Variants in GNS observed in about 807,000 individuals in gnomAD.
GNS encodes glucosamine (N-acetyl)-6-sulfatase, also known as N-acetylglucosamine-6-sulfatase.
In GNS, 40 loss-of-function variants were observed where a neutral mutation model predicts 69.7. The observed-to-expected ratio is 0.57, with a 90% CI of 0.45 to 0.75. The LOEUF (loss-of-function observed/expected upper bound fraction) is 0.75. Ranked by LOEUF, GNS falls within the 30% of genes least tolerant of loss-of-function variation. The probability of loss-of-function intolerance (pLI) is 0.00; values close to 1 mark genes in which losing one functional copy is unlikely to be tolerated. For synonymous variants in GNS, 243 were observed against 251.6 expected, an observed-to-expected ratio of 0.97 and a Z score of 0.32; for missense variants, 565 against 685.5, an observed-to-expected ratio of 0.82 and a Z score of 1.96.
intron 2 of GNS, 74 bp from the exon 3 acceptor site, chr12:64,747,992 A>G: frequency 2.4e-6 from 2 of 836,552 alleles, no homozygotes; most frequent in Non-Finnish European, 4.2e-6. Context: ...TAAAGAGAGT[A>G]AAGAAAAGCT....
At chr12:64,745,019 A>G (rs999500408) in intron 4 of GNS, 112 bp from the exon 5 acceptor site, 1 of 690,248 alleles carries the variant, frequency 1.4e-6, no homozygotes, top group Non-Finnish European at 2.7e-6. Flanking sequence ...TTAAAAAGAT[A>G]ATTACTCAAG....
chr12:64,725,610 C>T (rs1016518208), intron 10 of GNS, among the ~76,000 whole-genome samples: 12 of 152,158 alleles, frequency 7.9e-5, no homozygotes, highest in African/African-American at 2.9e-4. Context: ...AAAAGAACCA[C>T]ATCTTAGGTG....
At chr12:64,726,578 T>G (rs190761147) in intron 10 of GNS, among the ~76,000 whole-genome samples, 70 of 152,280 alleles carry the variant, frequency 4.6e-4, no homozygotes, top group Admixed American at 1.1e-3. Flanking sequence ...CACTACAACC[T>G]CCACCTGCTT....
chr12:64,731,657 A>G (rs544804772), intron 9 of GNS, among the ~76,000 whole-genome samples: 1 of 152,376 alleles, frequency 6.6e-6, no homozygotes, highest in African/African-American at 2.4e-5. Flanking sequence ...AGAGTTAAAA[A>G]GAATTATACC....
At chr12:64,758,389 C>T (rs777531426) in intron 1 of GNS, among the ~76,000 whole-genome samples, 2 of 140,178 alleles carry the variant, frequency 1.4e-5, no homozygotes, top group Non-Finnish European at 1.5e-5. Flanking sequence ...GTGGCGCGAT[C>T]TCGGCTCACT....
intron 9 of GNS, among the ~76,000 whole-genome samples, chr12:64,732,158 T>G (rs1171217842): frequency 1.0e-5 from 1 of 97,782 alleles, no homozygotes; most frequent in Non-Finnish European, 2.0e-5. Flanking sequence ...GGCTAATTTT[T>G]TTTTTTTGTT....
At chr12:64,743,647 T>G (rs1869815020) in intron 5 of GNS, among the ~76,000 whole-genome samples, 1 of 152,216 alleles carries the variant, frequency 6.6e-6, no homozygotes, top group Non-Finnish European at 1.5e-5. Context: ...GGTATCTACA[T>G]GTGATGCCTT....
At chr12:64,757,097 T>C (rs1270130331) in intron 1 of GNS, among the ~76,000 whole-genome samples, 1 of 152,170 alleles carries the variant, frequency 6.6e-6, no homozygotes, top group Non-Finnish European at 1.5e-5. Context: ...GAGGACTGCT[T>C]GAGACTAGGA....
At chr12:64,756,871 C>T in intron 1 of GNS, 1 of 622,038 alleles carries the variant, frequency 1.6e-6, no homozygotes, top group South Asian at 1.9e-5. Flanking sequence ...AAAAAAGAAT[C>T]TGGGCCGAGA....
At chr12:64,752,276 A>G (rs1870105085) in intron 2 of GNS, among the ~76,000 whole-genome samples, 1 of 152,214 alleles carries the variant, frequency 6.6e-6, no homozygotes, top group Admixed American at 6.5e-5. Flanking sequence ...TTGGTTATGT[A>G]CATGGTTCTT....
At chr12:64,742,448 A>C (rs1869776066) in intron 6 of GNS, among the ~76,000 whole-genome samples, 1 of 152,258 alleles carries the variant, frequency 6.6e-6, no homozygotes, top group Non-Finnish European at 1.5e-5. Context: ...TCCATGAGGG[A>C]TCAAGAACTC....
intron 6 of GNS, among the ~76,000 whole-genome samples, chr12:64,742,155 G>C (rs964833416): frequency 6.6e-6 from 1 of 152,108 alleles, no homozygotes; most frequent in Non-Finnish European, 1.5e-5. Flanking sequence ...CGAGTAGCTG[G>C]GAGTACAGGT....
At chr12:64,758,309 C>CTTTTTTTT (rs139394351) in intron 1 of GNS, among the ~76,000 whole-genome samples, 5 of 67,410 alleles carry the variant, frequency 7.4e-5, no homozygotes, top group South Asian at 8.6e-4. Context: ...CACTTCAGGC[C>CTTTTTTTT]TTTTTTTTTT....
chr12:64,738,705 C>T (rs538196880), intron 8 of GNS, among the ~76,000 whole-genome samples: 2 of 151,814 alleles, frequency 1.3e-5, no homozygotes, highest in South Asian at 2.1e-4. Flanking sequence ...CCCAGCTACT[C>T]GAGAGGTTGA....
chr12:64,717,315 G>T (rs1592489744), intron 13 of GNS, among the ~76,000 whole-genome samples: 1 of 152,152 alleles, frequency 6.6e-6, no homozygotes, highest in East Asian at 1.9e-4. Context: ...AGACTGCTAA[G>T]ACCTACAAGA....
At position 64,748,064 on chromosome 12, in the gene GNS, A is replaced by G. The variant is rs900563486; in HGVS notation, c.253-146T>C. The G allele has an allele frequency of 8.1e-5, 54 of 668,068 alleles. No individual in the cohort carries two copies. The African/African-American group carries it at 9.4e-4, about 12-fold the overall frequency. 41.4% of individuals were successfully genotyped at this position (668,068 alleles called of 1,614,324 possible). On this transcript the variant is annotated intron_variant, in intron 2 of 13. Coordinates refer to ENST00000258145, the MANE Select transcript of GNS (RefSeq NM_002076.4). Reference sequence around the variant, plus strand: ...GGAATATATATATTTTTTTCTACACATGACATGCTTCAGGGCTGCTTTAAA... The same window carrying G: ...GGAATATATATATTTTTTTCTACACGTGACATGCTTCAGGGCTGCTTTAAA...
In GNS at chr12:64,715,597, T is replaced by C. The variant is rs751608125; in HGVS notation, c.*1144A>G. 1.3e-5 allele frequency: 2 copies of C among 154,346 alleles called. No homozygotes were observed. Among genetic ancestry groups the C allele is most frequent in the Non-Finnish European group, 2.9e-5 (2 of 68,212 alleles). 9.6% of individuals were successfully genotyped at this position (154,346 alleles called of 1,614,324 possible). A position where few individuals can be genotyped will look rare whatever the true frequency, so the allele number is the denominator to read the frequency against. ...AGATTTGATTTTGACAGGGGAATAC[T>C]GATAATCATACAAGACTCCAAAACT... On this transcript the variant is annotated 3_prime_UTR_variant, in exon 14 of 14. Transcript: ENST00000258145.
chr12:64,734,503 C>G (rs138328423), intron 9 of GNS, among the ~76,000 whole-genome samples: 2 of 152,212 alleles, frequency 1.3e-5, no homozygotes, highest in African/African-American at 2.4e-5. Context: ...GAAGAAGGCG[C>G]GAGATGGGCA....
intron 2 of GNS, among the ~76,000 whole-genome samples, chr12:64,751,347 T>C (rs1487793483): frequency 6.6e-6 from 1 of 152,252 alleles, no homozygotes; most frequent in African/African-American, 2.4e-5. Context: ...ATAATTCTCC[T>C]GTGTTTCTTA....
Sources: gnomAD v4.1 joint callset for allele counts (sites outside exome capture counted in the v4.1 genomes callset) on GRCh38, gnomAD v4.1.1 for gene constraint, MANE v1.5 for transcripts, NCBI Gene and HGNC (gene_info 2026-07-23, HGNC 2026-07-21) for gene names.